PRAMEF10: variants seen among roughly 807,000 people sequenced by gnomAD.
The protein encoded by PRAMEF10 is PRAME family member 10.
In PRAMEF10, 4 loss-of-function variants were observed where a neutral mutation model predicts 27.7. The observed-to-expected ratio is 0.14, with a 90% CI of 0.07 to 0.33. The LOEUF (loss-of-function observed/expected upper bound fraction) is 0.33, where lower values mean the gene tolerates loss of function less well. PRAMEF10 is among the 10% of genes least tolerant of loss of function. The pLI is 1.00. For synonymous variants in PRAMEF10, 46 were observed against 176.0 expected, an observed-to-expected ratio of 0.26 and a Z score of 5.85; for missense variants, 99 against 453.9, an observed-to-expected ratio of 0.22 and a Z score of 7.10.
intron 1 of PRAMEF10, among the ~76,000 whole-genome samples, chr1:12,897,611 C>T (rs1280895224): frequency 6.7e-6 from 1 of 149,870 alleles, no homozygotes; most frequent in South Asian, 2.1e-4. Context: ...AATTCCAGCA[C>T]TTTGGGAGGC....
Position 12,893,416 on chromosome 1 carries a change from C to A in PRAMEF10, c.925G>T (p.Asp309Tyr), listed in dbSNP as rs200707352. 6.3e-7 allele frequency: 1 copy of A among 1,598,194 alleles called. No individual in the cohort carries two copies. Among genetic ancestry groups the A allele is most frequent in the South Asian group, 1.1e-5 (1 of 89,930 alleles). Residue 309 changes from aspartate to tyrosine, a missense_variant, in exon 4 of 4, where the codon GAC (aspartate) becomes TAC (tyrosine). Physicochemically the swap from Asp to Tyr is radical, Grantham distance 160. Transcript: ENST00000235347. ...IFSDAYLTDR[D>Y]MECLSQYPSL... ...GGGTACTGAGACAGACACTCCATGT[C>A]CCGATCAGTTAGGTAAGCATCACTG...
chr1:12,895,087 AG>A lies in PRAMEF10; in HGVS notation c.364del (p.Leu122SerfsTer8). On this transcript the variant is annotated frameshift_variant, in exon 3 of 4. Coordinates refer to ENST00000235347, the MANE Select transcript of PRAMEF10 (RefSeq NM_001039361.4). LOFTEE classifies it high-confidence loss of function. ...ACTCATGGCCTCTGGGGAGCAGGAG[AG>A]GACCCTGGCTCCAGACCATATGGTC... ...FWTIWSGARV[L>X]SCSPEAMSKR... 6.7e-7 allele frequency: 1 copy of A among 1,497,944 alleles called. No individual in the cohort carries two copies. Among genetic ancestry groups the A allele is most frequent in the Non-Finnish European group, 9.2e-7 (1 of 1,083,290 alleles). 92.8% of individuals were successfully genotyped at this position (1,497,944 alleles called of 1,614,324 possible).
chr1:12,897,385 G>C (rs1424778840), intron 1 of PRAMEF10, among the ~76,000 whole-genome samples: 3 of 150,014 alleles, frequency 2.0e-5, no homozygotes, highest in African/African-American at 7.4e-5. Context: ...CTTTGGTTAA[G>C]ATTTTTTTTC....
rs770180583 is a variant in PRAMEF10 at position 12,892,922 on chromosome 1, G to A, written c.1419C>T (p.Cys473=). ...WPSEKVDFHL[C]S ...CCCACGAACCAGGCCTTCCCTAGGA[G>A]CAAAGATGGAAGTCCACTTTCTCAG... The change falls in exon 4 of 4, where the codon TGC becomes TGT. Residue 473 remains cysteine (C), a synonymous_variant. Transcript: ENST00000235347. 1.3e-6 allele frequency: 2 copies of A among 1,593,726 alleles called. No individual in the cohort carries two copies. The highest frequency in any genetic ancestry group is 1.7e-5 in the Admixed American group (1 of 58,068).
chr1:12,896,272 C>G (rs1262843223), intron 1 of PRAMEF10, among the ~76,000 whole-genome samples: 2 of 149,582 alleles, frequency 1.3e-5, no homozygotes, highest in African/African-American at 4.9e-5. Context: ...ATTCCACCCG[C>G]CTTGGCCTCC....
At chr1:12,893,637 C>A (rs1273994724) in intron 3 of PRAMEF10, among the ~76,000 whole-genome samples, 163 bp from the exon 4 acceptor site, 1 of 97,954 alleles carries the variant, frequency 1.0e-5, no homozygotes, top group East Asian at 2.9e-4. Context: ...TTTACCCAAA[C>A]ACAAGTTTGT....
intron 1 of PRAMEF10, among the ~76,000 whole-genome samples, chr1:12,897,147 A>AT (rs1418843614): frequency 2.7e-5 from 2 of 74,412 alleles, no homozygotes; most frequent in African/African-American, 4.3e-5. Context: ...GTATAATTTA[A>AT]TTTTTTTCGT....
Position 12,893,335 on chromosome 1 carries a change from T to A in PRAMEF10, c.1006A>T (p.Asn336Tyr), listed in dbSNP as rs2637920. 1.6e-5 allele frequency: 25 copies of A among 1,601,284 alleles called. No individual in the cohort carries two copies. In the Admixed American group the frequency reaches 4.2e-4, roughly 27 times the overall value. Reference protein sequence around the residue: ...RLIHILMWTTNLEPLGVLLEK... With the variant: ...RLIHILMWTTYLEPLGVLLEK... Reference sequence around the variant, plus strand: ...AGCAGAACTCCAAGGGGCTCAAGATTGGTGGTCCACATTAGGATATGAATC... The same window carrying A: ...AGCAGAACTCCAAGGGGCTCAAGATAGGTGGTCCACATTAGGATATGAATC... The change falls in exon 4 of 4, where the codon AAT (asparagine) becomes TAT (tyrosine). Residue 336 changes from asparagine (N) to tyrosine (Y), a missense_variant. By Grantham distance (143) the Asn-to-Tyr change is moderately radical (BLOSUM62 -2). Transcript: ENST00000235347.
intron 1 of PRAMEF10, among the ~76,000 whole-genome samples, chr1:12,896,303 C>T (rs1247835515): frequency 6.7e-6 from 1 of 150,234 alleles, no homozygotes; most frequent in African/African-American, 2.5e-5. Flanking sequence ...GGATTACAGG[C>T]GTAATCCTCT....
intron 1 of PRAMEF10, among the ~76,000 whole-genome samples, chr1:12,897,641 G>A (rs1215700691): frequency 2.7e-5 from 4 of 149,770 alleles, no homozygotes; most frequent in Non-Finnish European, 4.4e-5. Flanking sequence ...TGGATCACTT[G>A]AGGTCAGGAG....
Position 12,895,134 on chromosome 1 carries a change from C to T in PRAMEF10, c.318G>A (p.Arg106=), listed in dbSNP as rs1331620669. ...RRWKLQVLDL[R]DVDENFWTIW... is the part of the protein sequence containing the mutation. ...TGGTCCAGAAATTCTCATCAACATCCCTCAAATCCAGCACTTGAAGTTTCC... is the reference window on the plus strand; with the variant it reads ...TGGTCCAGAAATTCTCATCAACATCTCTCAAATCCAGCACTTGAAGTTTCC... Residue 106 remains arginine, a synonymous_variant, in exon 3 of 4, where the codon AGG becomes AGA. Coordinates refer to ENST00000235347, the MANE Select transcript of PRAMEF10 (RefSeq NM_001039361.4). 3 of 1,481,194 alleles carry T rather than the reference C, an allele frequency of 2.0e-6. No individual in the cohort carries two copies. Among genetic ancestry groups the T allele is most frequent in the Non-Finnish European group, 2.8e-6 (3 of 1,084,188 alleles). 91.8% of individuals were successfully genotyped at this position (1,481,194 alleles called of 1,614,324 possible). A position where few individuals can be genotyped will look rare whatever the true frequency, so the allele number is the denominator to read the frequency against.
chr1:12,893,432 A>C lies in PRAMEF10; in HGVS notation c.909T>G (p.Ala303=), dbSNP rs1369904533. ...ACTCCATGTCCCGATCAGTTAGGTA[A>C]GCATCACTGAATATAAAGGCCCCCA... is the stretch of plus-strand genomic sequence containing the variant. ...NPLGAFIFSD[A]YLTDRDMECL... Residue 303 remains alanine, a synonymous_variant, in exon 4 of 4, where the codon GCT becomes GCG. Transcript: ENST00000235347. 1 of 1,602,612 alleles carries C rather than the reference A, an allele frequency of 6.2e-7. No individual in the cohort carries two copies. The highest frequency in any genetic ancestry group is 8.5e-7 in the Non-Finnish European group (1 of 1,174,700).
chr1:12,894,393 T>C lies in PRAMEF10; in HGVS notation c.866+193A>G, dbSNP rs1232227954. On this transcript the variant is annotated intron_variant, in intron 3 of 3. Coordinates refer to ENST00000235347, the MANE Select transcript of PRAMEF10 (RefSeq NM_001039361.4). The stretch of plus-strand genomic sequence containing the variant: ...CTACCCCAGGCCATCCCTCTGCCCT[T>C]ATTTGAGTGGTCTTGTGATACCCAT... Among the ~76,000 whole-genome samples, 2 of 149,400 alleles carry C rather than the reference T, an allele frequency of 1.3e-5. 1 individual carries two copies. The highest frequency in any genetic ancestry group is 4.0e-4 in the East Asian group (2 of 4,984).
At position 12,892,976 on chromosome 1, in the gene PRAMEF10, G is replaced by T. The variant is rs2100440989; in HGVS notation, c.1365C>A (p.Val455=). 1 of 1,572,874 alleles carries T rather than the reference G, an allele frequency of 6.4e-7. No homozygotes were observed. Among genetic ancestry groups the T allele is most frequent in the East Asian group, 2.2e-5 (1 of 44,690 alleles). ...GCCATGAGCCACAGTTAGGGCAAGG[G>T]ACGGGACCAAAGAAGATCCTCTTGG... is the stretch of plus-strand genomic sequence containing the variant. ...RQPKRIFFGP[V]PCPNCGSWPS... Residue 455 remains valine (V), a synonymous_variant, in exon 4 of 4, where the codon GTC becomes GTA. Coordinates refer to ENST00000235347, the MANE Select transcript of PRAMEF10 (RefSeq NM_001039361.4).
At chr1:12,896,279 C>T (rs1641207760) in intron 1 of PRAMEF10, among the ~76,000 whole-genome samples, 1 of 149,836 alleles carries the variant, frequency 6.7e-6, no homozygotes, top group African/African-American at 2.5e-5. Flanking sequence ...CCGCCTTGGC[C>T]TCCCAAAGTA....
At chr1:12,897,923 C>T (rs1458432525) in intron 1 of PRAMEF10, among the ~76,000 whole-genome samples, 34 of 144,568 alleles carry the variant, frequency 2.4e-4, no homozygotes, top group African/African-American at 8.8e-4. Flanking sequence ...TCTCAGACCC[C>T]TGGGCTGAAA....
chr1:12,897,823 C>T lies in PRAMEF10; in HGVS notation c.-26+393G>A, dbSNP rs897202978. 9.4e-4 allele frequency among the ~76,000 whole-genome samples: 140 copies of T among 149,372 alleles called. 11 individuals are homozygous for T. The highest frequency in any genetic ancestry group is 3.3e-3 in the African/African-American group (132 of 39,830). ...AATGATTTGAGATCGTGCCACTGCA[C>T]TCCAGCCTTGGAAACAGAGCGAGAC... On this transcript the variant is annotated intron_variant, in intron 1 of 3. Coordinates refer to ENST00000235347, the MANE Select transcript of PRAMEF10 (RefSeq NM_001039361.4).
chr1:12,896,319 G>T (rs1387240442), intron 1 of PRAMEF10, among the ~76,000 whole-genome samples: 1 of 150,530 alleles, frequency 6.6e-6, no homozygotes, highest in Non-Finnish European at 1.5e-5. Flanking sequence ...CCTCTTCCGG[G>T]ACTCATTATT....
intron 1 of PRAMEF10, among the ~76,000 whole-genome samples, chr1:12,896,418 G>A (rs1283472789): frequency 4.0e-5 from 6 of 150,420 alleles, no homozygotes; most frequent in African/African-American, 9.8e-5. Flanking sequence ...CACCTCTTAC[G>A]CATGTTCAAA....
Sources: allele counts gnomAD v4.1 joint callset (sites outside exome capture counted in the v4.1 genomes callset), GRCh38; gene constraint gnomAD v4.1.1; transcripts MANE v1.5; gene names NCBI Gene and HGNC (gene_info 2026-07-23, HGNC 2026-07-21).